Variants in ARHGAP21 observed in about 807,000 individuals in gnomAD.
The protein encoded by ARHGAP21 is Rho GTPase activating protein 21.
A neutral mutation model predicts 164.6 loss-of-function variants in ARHGAP21; 38 were observed. The observed-to-expected ratio is 0.23, with a 90% CI of 0.18 to 0.30. The LOEUF (loss-of-function observed/expected upper bound fraction) is 0.30, where lower values mean the gene tolerates loss of function less well. Among genes scored for constraint, ARHGAP21 ranks in the 10% least tolerant of loss-of-function variants. The pLI, the probability that ARHGAP21 is intolerant of heterozygous loss-of-function variation, is 1.00. For missense variants in ARHGAP21, 1,822 were observed against 2,370.7 expected (o/e 0.77, Z 4.81); for synonymous variants, 766 against 857.9 (o/e 0.89, Z 1.87).
At chr10:24,628,862 C>CAT (rs1835438717) in intron 7 of ARHGAP21, among the ~76,000 whole-genome samples, 3 of 125,330 alleles carry the variant, frequency 2.4e-5, no homozygotes, top group African/African-American at 6.1e-5. Flanking sequence ...TATATATACA[C>CAT]ATATATACAT....
chr10:24,660,451 C>T (rs1299082911), intron 4 of ARHGAP21, among the ~76,000 whole-genome samples: 4 of 138,760 alleles, frequency 2.9e-5, no homozygotes, highest in Non-Finnish European at 6.2e-5. Context: ...CCAAAGACTT[C>T]AGAAAAGAGA....
At position 24,600,839 on chromosome 10, in the gene ARHGAP21, G is replaced by T. The variant is rs530533376; in HGVS notation, c.2939C>A (p.Thr980Lys). ...LYLYKDKREQ[T>K]TPSEEEQPIS... is the part of the protein sequence containing the mutation. ...GGGCTGCTCTTCCTCAGACGGAGTC[G>T]TCTGCTCTCTTTTATCTTTGTACAG... The change falls in exon 14 of 26, where the codon ACG (threonine) becomes AAG (lysine). Residue 980 changes from threonine (T) to lysine (K), a missense_variant. Physicochemically the swap from Thr to Lys is moderately conservative, Grantham distance 78. This residue lies in a region of ARHGAP21 where 1,090 missense variants were observed against 1,378.9 expected (regional missense o/e 0.79). Transcript: ENST00000396432. 1 of 1,614,148 alleles carries T rather than the reference G, an allele frequency of 6.2e-7. No homozygotes were observed. The highest frequency in any genetic ancestry group is 8.5e-7 in the Non-Finnish European group (1 of 1,179,992).
At chr10:24,709,766 A>G (rs1844590290) in intron 2 of ARHGAP21, among the ~76,000 whole-genome samples, 1 of 150,024 alleles carries the variant, frequency 6.7e-6, no homozygotes, top group Admixed American at 6.7e-5. Flanking sequence ...AATCCAGACA[A>G]GGACACAACA....
chr10:24,623,775 C>G (rs1468603093), intron 7 of ARHGAP21, among the ~76,000 whole-genome samples: 1 of 152,170 alleles, frequency 6.6e-6, no homozygotes, highest in Non-Finnish European at 1.5e-5. Flanking sequence ...AAAACCACGA[C>G]GACACTAATG....
chr10:24,593,126 AAAAAG>A (rs2076410623), intron 21 of ARHGAP21, among the ~76,000 whole-genome samples: 4 of 152,350 alleles, frequency 2.6e-5, no homozygotes, highest in South Asian at 4.1e-4. Flanking sequence ...AAAATGGAAA[AAAAAG>A]AAAAGCAACT....
Position 24,658,797 on chromosome 10 carries a change from T to C in ARHGAP21, c.268+8188A>G, listed in dbSNP as rs541364303. On this transcript the variant is annotated intron_variant, in intron 4 of 25. Coordinates refer to ENST00000396432, the MANE Select transcript of ARHGAP21 (RefSeq NM_020824.4). Reference sequence around the variant, plus strand: ...ACATATGTAAAAAACCTGCACATTGTGCACATGTACCCTAAAGTATTAAAA... The same window carrying C: ...ACATATGTAAAAAACCTGCACATTGCGCACATGTACCCTAAAGTATTAAAA... Among the ~76,000 whole-genome samples the C allele has an allele frequency of 4.8e-3, 399 of 83,688 alleles. 1 individual carries two copies. The highest frequency in any genetic ancestry group is 0.021 in the African/African-American group (370 of 17,578). 54.9% of individuals were successfully genotyped at this position (83,688 alleles called of 152,430 possible).
chr10:24,674,521 AAAAC>A (rs966500506), intron 2 of ARHGAP21, among the ~76,000 whole-genome samples: 23 of 152,216 alleles, frequency 1.5e-4, no homozygotes, highest in African/African-American at 5.3e-4. Context: ...ACTCTGTCTC[AAAAC>A]AAACAAACAA....
chr10:24,668,672 T>C (rs907068289), intron 3 of ARHGAP21, among the ~76,000 whole-genome samples: 17 of 152,098 alleles, frequency 1.1e-4, no homozygotes, highest in African/African-American at 4.1e-4. Context: ...ACCAGAAATA[T>C]GCCAAGTAAA....
At chr10:24,609,540 T>C (rs1304825670) in intron 9 of ARHGAP21, among the ~76,000 whole-genome samples, 1 of 152,186 alleles carries the variant, frequency 6.6e-6, no homozygotes, top group African/African-American at 2.4e-5. Flanking sequence ...TACTGGTATG[T>C]TAAAAGGAGA....
chr10:24,674,618 T>C (rs1348731530), intron 2 of ARHGAP21, among the ~76,000 whole-genome samples: 7 of 151,482 alleles, frequency 4.6e-5, no homozygotes, highest in Non-Finnish European at 7.4e-5. Context: ...CCCAGGAGGT[T>C]GAAGCTACAG....
At position 24,585,431 on chromosome 10, in the gene ARHGAP21, C is replaced by G; in HGVS notation, c.4858G>C (p.Asp1620His). 6.2e-7 allele frequency: 1 copy of G among 1,614,132 alleles called. No homozygotes were observed. The highest frequency in any genetic ancestry group is 8.5e-7 in the Non-Finnish European group (1 of 1,180,054). ...CTGATGAGTTCGCTTCTCTCGTCAT[C>G]TGCCTCGTCCCCCTTGCTCTCTGCC... is the stretch of plus-strand genomic sequence containing the variant. The part of the protein sequence containing the change: ...SVAESKGDEA[D>H]DERSELISEG... The change falls in exon 26 of 26, where the codon GAT (aspartate) becomes CAT (histidine). Residue 1620 changes from aspartate to histidine, a missense_variant. By Grantham distance (81) the Asp-to-His change is moderately conservative. This residue lies in a region of ARHGAP21 where 333 missense variants were observed against 383.9 expected (regional missense o/e 0.87). Transcript: ENST00000396432.
rs186884164 is a variant in ARHGAP21 at position 24,674,134 on chromosome 10, C to T, written c.64-3737G>A. On this transcript the variant is annotated intron_variant, in intron 2 of 25. Coordinates refer to ENST00000396432, the MANE Select transcript of ARHGAP21 (RefSeq NM_020824.4). Reference sequence around the variant, plus strand: ...TCCTGGCCAGTCATGGTGGCTCACACCTGTAATCCCAGCACTTTGGGAGAC... The same window carrying T: ...TCCTGGCCAGTCATGGTGGCTCACATCTGTAATCCCAGCACTTTGGGAGAC... 4.7e-4 allele frequency among the ~76,000 whole-genome samples: 72 copies of T among 152,340 alleles called. 1 individual carries two copies. The highest frequency in any genetic ancestry group is 1.4e-3 in the African/African-American group (59 of 41,586).
intron 4 of ARHGAP21, among the ~76,000 whole-genome samples, chr10:24,646,571 CA>C (rs1167390215): frequency 5.9e-5 from 9 of 152,164 alleles, no homozygotes; most frequent in African/African-American, 2.2e-4. Flanking sequence ...GAGATTGTAC[CA>C]CTGCACTCCA....
chr10:24,602,328 ATTAG>A (rs1180697700), intron 12 of ARHGAP21, among the ~76,000 whole-genome samples: 3 of 152,188 alleles, frequency 2.0e-5, no homozygotes, highest in Non-Finnish European at 4.4e-5. Flanking sequence ...TCCTGTTCTT[ATTAG>A]TTCACATTTT....
At chr10:24,670,599 T>A (rs540452191) in intron 2 of ARHGAP21, among the ~76,000 whole-genome samples, 1 of 151,364 alleles carries the variant, frequency 6.6e-6, no homozygotes, top group South Asian at 2.1e-4. Context: ...AACCTAGAAT[T>A]TTTTTCTAGA....
chr10:24,680,381 A>G (rs2131880306), intron 2 of ARHGAP21, among the ~76,000 whole-genome samples: 1 of 152,354 alleles, frequency 6.6e-6, no homozygotes, highest in East Asian at 1.9e-4. Context: ...TTGGCCTCAC[A>G]GCTCCCAAAT....
intron 24 of ARHGAP21, chr10:24,589,508 G>C: frequency 2.0e-6 from 1 of 496,422 alleles, no homozygotes; most frequent in Non-Finnish European, 3.5e-6. Flanking sequence ...GTGAATTGTA[G>C]GCAGAACCAG....
At chr10:24,632,411 T>C (rs1244905802) in intron 6 of ARHGAP21, among the ~76,000 whole-genome samples, 1 of 152,208 alleles carries the variant, frequency 6.6e-6, no homozygotes, top group East Asian at 1.9e-4. Flanking sequence ...TTAAATTCAT[T>C]ATCAACATTA....
chr10:24,591,714 TAAAC>T (rs780825200), intron 22 of ARHGAP21, 31 bp from the exon 23 acceptor site: 8 of 1,611,530 alleles, frequency 5.0e-6, no homozygotes, highest in African/African-American at 1.3e-5. Context: ...GAAGAGAAAT[TAAAC>T]AAGCCTTTAA....
Sources: allele counts gnomAD v4.1 joint callset (sites outside exome capture counted in the v4.1 genomes callset), GRCh38; gene constraint gnomAD v4.1.1; regional missense constraint gnomAD v4.1.1; transcripts MANE v1.5; gene names NCBI Gene and HGNC (gene_info 2026-07-23, HGNC 2026-07-21).